The following EREG variants were observed in gnomAD, a reference collection of about 807,000 sequenced individuals.
The protein encoded by EREG is epiregulin, also known as proepiregulin.
Under a neutral mutation model 22.4 loss-of-function variants are expected in EREG, and 23 were observed. That is an observed-to-expected ratio of 1.03 (90% confidence interval 0.74 to 1.46). The LOEUF is 1.46. Ranked by LOEUF, EREG falls within the 40% of genes most tolerant of loss-of-function variation. The pLI is 0.00. For synonymous variants in EREG, 100 were observed against 75.4 expected (o/e 1.33, Z -1.69); for missense variants, 226 against 205.9 (o/e 1.10, Z -0.60).
intron 1 of EREG, among the ~76,000 whole-genome samples, chr4:74,366,773 TGTC>T (rs1378329538): frequency 6.6e-6 from 1 of 152,176 alleles, no homozygotes; most frequent in Non-Finnish European, 1.5e-5. Flanking sequence ...GTGTGTTTGT[TGTC>T]ATGAAAGTGC....
At chr4:74,371,316 T>C (rs762843414) in intron 1 of EREG, among the ~76,000 whole-genome samples, 1 of 152,106 alleles carries the variant, frequency 6.6e-6, no homozygotes, top group Non-Finnish European at 1.5e-5. Flanking sequence ...TAAAGCCCAT[T>C]CTCATGTTTA....
At chr4:74,378,803 T>C (rs1444783824) in intron 1 of EREG, among the ~76,000 whole-genome samples, 1 of 152,202 alleles carries the variant, frequency 6.6e-6, no homozygotes, top group East Asian at 1.9e-4. Context: ...ATACACATGA[T>C]GAAACAGCTG....
chr4:74,372,662 C>T (rs1752310231), intron 1 of EREG, among the ~76,000 whole-genome samples: 2 of 151,990 alleles, frequency 1.3e-5, no homozygotes, highest in South Asian at 4.1e-4. Context: ...GTAAGATTGT[C>T]TTGAGAAAAA....
intron 1 of EREG, among the ~76,000 whole-genome samples, chr4:74,372,232 T>C (rs1486069080): frequency 6.6e-6 from 1 of 152,198 alleles, no homozygotes; most frequent in Non-Finnish European, 1.5e-5. Flanking sequence ...TATCTGAAAG[T>C]AGAATTCCTT....
In EREG at chr4:74,382,800, T is replaced by A; in HGVS notation, c.428+6T>A. The A allele has an allele frequency of 1.9e-6, 3 of 1,608,952 alleles. No individual in the cohort carries two copies. Among genetic ancestry groups the A allele is most frequent in the Non-Finnish European group, 2.5e-6 (3 of 1,177,298 alleles). On this transcript the variant is annotated splice_donor_region_variant and intron_variant, in intron 4 of 4. Coordinates refer to ENST00000244869, the MANE Select transcript of EREG (RefSeq NM_001432.3). The stretch of plus-strand genomic sequence containing the variant: ...ACATATTATTTCTGCAGATGGTAAG[T>A]CAGTGTGGTTTTATACTCTGCTTTT...
At chr4:74,381,313 C>G (rs1045745788) in intron 3 of EREG, 176 bp downstream of exon 3, 1 of 535,574 alleles carries the variant, frequency 1.9e-6, no homozygotes, top group East Asian at 3.2e-5. Flanking sequence ...ATCCCTTAAC[C>G]CCCCCAAAAC....
chr4:74,367,787 T>C (rs1752211803), intron 1 of EREG, among the ~76,000 whole-genome samples: 1 of 152,162 alleles, frequency 6.6e-6, no homozygotes, highest in Admixed American at 6.5e-5. Context: ...TGTCTGGATT[T>C]TGACCAGGTA....
chr4:74,380,784 G>T (rs575785901), intron 2 of EREG, among the ~76,000 whole-genome samples: 2 of 152,280 alleles, frequency 1.3e-5, no homozygotes, highest in Non-Finnish European at 2.9e-5. Context: ...ATCCTTTCAT[G>T]TTATCTTCTT....
At chr4:74,372,092 GCCC>G (rs1752300989) in intron 1 of EREG, among the ~76,000 whole-genome samples, 2 of 152,246 alleles carry the variant, frequency 1.3e-5, no homozygotes, top group South Asian at 4.1e-4. Flanking sequence ...GGGGTAAGCT[GCCC>G]TCCTTTTTGA....
At chr4:74,368,791 T>C (rs779571245) in intron 1 of EREG, among the ~76,000 whole-genome samples, 2 of 152,196 alleles carry the variant, frequency 1.3e-5, no homozygotes, top group African/African-American at 2.4e-5. Flanking sequence ...TGGCTGTAAC[T>C]GCTGCTGGGA....
intron 1 of EREG, among the ~76,000 whole-genome samples, chr4:74,374,667 A>C (rs992478905): frequency 6.6e-5 from 10 of 152,182 alleles, no homozygotes; most frequent in African/African-American, 2.4e-4. Flanking sequence ...GGCCCACGAC[A>C]TTTACTGCTA....
chr4:74,372,104 G>A (rs1403066586), intron 1 of EREG, among the ~76,000 whole-genome samples: 3 of 152,102 alleles, frequency 2.0e-5, no homozygotes, highest in South Asian at 4.1e-4. Context: ...CCTCCTTTTT[G>A]ATGATTGGAT....
intron 1 of EREG, among the ~76,000 whole-genome samples, chr4:74,377,018 ATCTT>A (rs1480137888): frequency 6.6e-6 from 1 of 152,234 alleles, no homozygotes; most frequent in African/African-American, 2.4e-5. Context: ...CACGAATTAA[ATCTT>A]TCTTTACAGT....
intron 3 of EREG, chr4:74,382,432 C>T (rs959025949): frequency 6.9e-6 from 3 of 435,734 alleles, no homozygotes; most frequent in African/African-American, 4.0e-5. Context: ...TGAACACAAC[C>T]GTCATTTTAA....
intron 1 of EREG, among the ~76,000 whole-genome samples, chr4:74,368,485 T>C (rs7669104): frequency 0.077 from 11,774 of 152,226 alleles, 818 homozygotes; most frequent in African/African-American, 0.18. Flanking sequence ...GATATAGCAT[T>C]GATAAGGGAT....
In EREG at chr4:74,388,089, CAA is replaced by C. The variant is rs1752601758; in HGVS notation, c.*3282_*3283del. 2 of 152,166 alleles carry C rather than the reference CAA, an allele frequency of 1.3e-5. No homozygotes were observed. Among genetic ancestry groups the C allele is most frequent in the Admixed American group, 1.3e-4 (2 of 15,278 alleles). The allele number at this position is 152,166 out of a possible 1,614,324, so 9.4% of individuals were successfully genotyped here. A position where few individuals can be genotyped will look rare whatever the true frequency, so the allele number is the denominator to read the frequency against. ...ATTTATGAGTCTTTGAGACTAAATT[CAA>C]TCACCACCAGGTATCAAATCAACTT... is the stretch of plus-strand genomic sequence containing the variant. On this transcript the variant is annotated 3_prime_UTR_variant, in exon 5 of 5. Coordinates refer to ENST00000244869, the MANE Select transcript of EREG (RefSeq NM_001432.3).
chr4:74,371,101 T>C (rs1373633891), intron 1 of EREG, among the ~76,000 whole-genome samples: 1 of 152,126 alleles, frequency 6.6e-6, no homozygotes, highest in African/African-American at 2.4e-5. Context: ...ATGGTAGCAA[T>C]GGTCCCCAGG....
intron 1 of EREG, among the ~76,000 whole-genome samples, chr4:74,377,097 TAAAAC>T (rs1752394173): frequency 1.4e-5 from 2 of 145,750 alleles, no homozygotes; most frequent in Non-Finnish European, 3.0e-5. Context: ...CATACACTGC[TAAAAC>T]CAGAGGCTAG....
intron 1 of EREG, among the ~76,000 whole-genome samples, chr4:74,370,100 AG>A (rs1213920940): frequency 6.6e-6 from 1 of 152,184 alleles, no homozygotes; most frequent in Non-Finnish European, 1.5e-5. Flanking sequence ...AATGCCCTCA[AG>A]TCACTCTTTA....
Sources: allele counts gnomAD v4.1 joint callset (sites outside exome capture counted in the v4.1 genomes callset), GRCh38; gene constraint gnomAD v4.1.1; transcripts MANE v1.5; gene names NCBI Gene and HGNC (gene_info 2026-07-23, HGNC 2026-07-21).